RYR3: variants seen among roughly 807,000 people sequenced by gnomAD.
RYR3 encodes brain ryanodine receptor-calcium release channel.
A neutral mutation model predicts 584.3 loss-of-function variants in RYR3; 207 were observed. That is an observed-to-expected ratio of 0.35 (90% CI 0.32 to 0.40). The LOEUF is 0.40. Among genes scored for constraint, RYR3 ranks in the 10% least tolerant of loss-of-function variants. The probability of loss-of-function intolerance (pLI) is 1.00; values close to 1 mark genes in which losing one functional copy is unlikely to be tolerated. For missense variants in RYR3, 5,616 were observed against 6,089.2 expected (o/e 0.92, Z 2.59); for synonymous variants, 2,416 against 2,248.5 (o/e 1.07, Z -2.11).
chr15:33,321,560 G>A (rs960001824), intron 1 of RYR3, among the ~76,000 whole-genome samples: 8 of 152,192 alleles, frequency 5.3e-5, no homozygotes, highest in Non-Finnish European at 1.2e-4. Flanking sequence ...AGTGACAGGT[G>A]TGTAGAAGGG....
intron 1 of RYR3, among the ~76,000 whole-genome samples, chr15:33,449,052 A>G (rs775550621): frequency 2.6e-5 from 4 of 152,188 alleles, no homozygotes; most frequent in African/African-American, 7.2e-5. Flanking sequence ...TTAATTGTCT[A>G]TTGCTGAGTG....
At chr15:33,543,846 A>G (rs1276015045) in intron 8 of RYR3, 131 bp downstream of exon 8, 4 of 709,890 alleles carry the variant, frequency 5.6e-6, no homozygotes, top group East Asian at 5.0e-5. Flanking sequence ...TCCTCCAGCC[A>G]TGGGTTCCGG....
intron 1 of RYR3, among the ~76,000 whole-genome samples, chr15:33,327,038 G>C (rs1187907446): frequency 1.3e-5 from 2 of 152,070 alleles, no homozygotes; most frequent in East Asian, 3.9e-4. Context: ...CAGAGAACTG[G>C]CATTGCCCCT....
intron 3 of RYR3, among the ~76,000 whole-genome samples, chr15:33,527,604 C>T (rs118172770): frequency 0.029 from 4,237 of 144,192 alleles, 70 homozygotes; most frequent in Non-Finnish European, 0.041. Flanking sequence ...AAAAAAAAGG[C>T]GTATCATATT....
intron 1 of RYR3, among the ~76,000 whole-genome samples, chr15:33,347,577 G>C (rs1972625911): frequency 6.6e-6 from 1 of 151,838 alleles, no homozygotes; most frequent in African/African-American, 2.4e-5. Flanking sequence ...CTCCTGAGTA[G>C]CTGGGACTAC....
At chr15:33,769,862 T>C (rs937455409) in intron 62 of RYR3, among the ~76,000 whole-genome samples, 9 of 152,086 alleles carry the variant, frequency 5.9e-5, no homozygotes, top group African/African-American at 2.2e-4. Context: ...GGTGGGAGGA[T>C]GGCTTGAGCC....
At chr15:33,700,943 T>C (rs956248015) in intron 41 of RYR3, 34 bp from the exon 42 acceptor site, 2 of 1,514,824 alleles carry the variant, frequency 1.3e-6, no homozygotes, top group African/African-American at 1.4e-5. Context: ...TCTTCCTCTG[T>C]CCTTTTCTTG....
intron 1 of RYR3, among the ~76,000 whole-genome samples, chr15:33,403,402 A>G (rs2042813136): frequency 6.6e-6 from 1 of 152,236 alleles, no homozygotes; most frequent in Admixed American, 6.5e-5. Context: ...CACAGTATAC[A>G]GAGAAGTGCT....
Position 33,838,810 on chromosome 15 carries a change from T to G in RYR3, c.12830T>G (p.Ile4277Ser). The change falls in exon 89 of 104, where the codon ATC becomes AGC. Residue 4277 changes from isoleucine (I) to serine (S), a missense_variant. Transcript: ENST00000634891. Reference sequence around the variant, plus strand: ...AAGGGGGAGAAGGGAGATACAGATATCATGTCAGACCTCTTTGGACTCCAC... The same window carrying G: ...AAGGGGGAGAAGGGAGATACAGATAGCATGTCAGACCTCTTTGGACTCCAC... ...FIKGEKGDTDIMSDLFGLHPK... is the reference protein window; with the variant it reads ...FIKGEKGDTDSMSDLFGLHPK... The G allele has an allele frequency of 6.2e-7, 1 of 1,613,868 alleles. No homozygotes were observed. Among genetic ancestry groups the G allele is most frequent in the Non-Finnish European group, 8.5e-7 (1 of 1,179,834 alleles).
At chr15:33,817,610 A>G (rs2152954213) in intron 75 of RYR3, among the ~76,000 whole-genome samples, 1 of 152,194 alleles carries the variant, frequency 6.6e-6, no homozygotes, top group East Asian at 1.9e-4. Context: ...TCTGATAGTC[A>G]CTTTTTTCTA....
At chr15:33,864,811 C>T (rs758764826) in intron 103 of RYR3, 13 of 260,728 alleles carry the variant, frequency 5.0e-5, no homozygotes, top group Admixed American at 1.5e-4. Flanking sequence ...AGCATTCCTC[C>T]GTCTTCCACC....
chr15:33,379,687 C>CTCTCTATA, intron 1 of RYR3, among the ~76,000 whole-genome samples: 2,642 of 125,432 alleles, frequency 0.021, 50 homozygotes, highest in South Asian at 0.033. Flanking sequence ...CTCTCTCTCT[C>CTCTCTATA]TATATATATA....
chr15:33,554,403 C>A (rs2056924260), intron 10 of RYR3, among the ~76,000 whole-genome samples: 2 of 151,190 alleles, frequency 1.3e-5, no homozygotes, highest in South Asian at 4.2e-4. Flanking sequence ...TCACGCCATT[C>A]TCCTGCCTCA....
At chr15:33,347,632 A>G (rs1398675803) in intron 1 of RYR3, among the ~76,000 whole-genome samples, 1 of 152,018 alleles carries the variant, frequency 6.6e-6, no homozygotes, top group African/African-American at 2.4e-5. Flanking sequence ...ATTTTTCAGT[A>G]GAGACGGGGT....
intron 38 of RYR3, among the ~76,000 whole-genome samples, chr15:33,694,822 G>A (rs934881807): frequency 6.6e-6 from 1 of 152,120 alleles, no homozygotes; most frequent in African/African-American, 2.4e-5. Context: ...CCTTTTTTAA[G>A]GTTCTCAGTT....
At chr15:33,700,074 C>G (rs920758631) in intron 41 of RYR3, among the ~76,000 whole-genome samples, 1 of 152,202 alleles carries the variant, frequency 6.6e-6, no homozygotes, top group African/African-American at 2.4e-5. Context: ...CATAGTCGTA[C>G]AGTTTTACCT....
chr15:33,478,889 A>G (rs1397620714), intron 2 of RYR3, among the ~76,000 whole-genome samples: 1 of 152,228 alleles, frequency 6.6e-6, no homozygotes, highest in Non-Finnish European at 1.5e-5. Flanking sequence ...AGAAGAAACT[A>G]AGATAGGTGG....
chr15:33,633,787 G>A (rs573707422), intron 24 of RYR3, among the ~76,000 whole-genome samples: 2 of 152,280 alleles, frequency 1.3e-5, no homozygotes, highest in South Asian at 4.1e-4. Context: ...CCCTCCTAAG[G>A]AACCGAGAGG....
In RYR3 at chr15:33,838,722, A is replaced by T. The variant is rs771512839; in HGVS notation, c.12742A>T (p.Met4248Leu). 6.2e-7 allele frequency: 1 copy of T among 1,613,906 alleles called. No individual in the cohort carries two copies. Among genetic ancestry groups the T allele is most frequent in the Non-Finnish European group, 8.5e-7 (1 of 1,179,880 alleles). Residue 4248 changes from methionine to leucine, a missense_variant, in exon 89 of 104, where the codon ATG becomes TTG. Physicochemically the swap from Met to Leu is conservative, Grantham distance 15 (BLOSUM62 2). Transcript: ENST00000634891. The stretch of plus-strand genomic sequence containing the variant: ...CCAATTTGGTATCCATGATGACACT[A>T]TGGAGGCTGAGAGGGCAGAGGTGAT... ...PTQFGIHDDT[M>L]EAERAEVMEP...
Sources: gnomAD v4.1 joint callset for allele counts (sites outside exome capture counted in the v4.1 genomes callset) on GRCh38, gnomAD v4.1.1 for gene constraint, MANE v1.5 for transcripts, NCBI Gene and HGNC (gene_info 2026-07-23, HGNC 2026-07-21) for gene names.